Variants in RELL1 observed in about 807,000 individuals in gnomAD.
RELL1 encodes the protein RELT like 1.
RELL1 carries 10 observed loss-of-function variants against 23.0 expected under a neutral mutation model. The ratio of observed to expected loss-of-function variants is 0.43; its 90% CI spans 0.27 to 0.74. The LOEUF (loss-of-function observed/expected upper bound fraction) is 0.74. Ranked by LOEUF, RELL1 falls within the 30% of genes least tolerant of loss-of-function variation. The pLI, the probability that RELL1 is intolerant of heterozygous loss-of-function variation, is 0.19. For synonymous variants in RELL1, 146 were observed against 146.8 expected (o/e 0.99, Z 0.04); for missense variants, 315 against 364.4 (o/e 0.86, Z 1.10).
intron 6 of RELL1, among the ~76,000 whole-genome samples, chr4:37,601,728 C>T (rs1175040660): frequency 1.3e-5 from 2 of 152,254 alleles, no homozygotes; most frequent in Admixed American, 6.5e-5. Context: ...GCTTCACTTT[C>T]CATGTGGCTC....
intron 1 of RELL1, among the ~76,000 whole-genome samples, chr4:37,669,639 T>A (rs2109307274): frequency 6.6e-6 from 1 of 152,302 alleles, no homozygotes; most frequent in Middle Eastern, 3.4e-3. Context: ...TTGCCGTGTC[T>A]GTGTAGAAAG....
intron 1 of RELL1, among the ~76,000 whole-genome samples, chr4:37,673,654 C>G (rs1721920193): frequency 6.6e-6 from 1 of 152,226 alleles, no homozygotes; most frequent in South Asian, 2.1e-4. Flanking sequence ...TGTTTGATGG[C>G]TCACCCTCTG....
Position 37,661,178 on chromosome 4 carries a change from C to T in RELL1, c.89-11678G>A, listed in dbSNP as rs548905026. ...TGTACTAGTCCACCTAGTAGCCTCT[C>T]AGTCCTACTTTGGTAGAGCTAGGAC... On this transcript the variant is annotated intron_variant, in intron 1 of 6. Transcript: ENST00000454158. Among the ~76,000 whole-genome samples, 4 of 152,298 alleles carry T rather than the reference C, an allele frequency of 2.6e-5. No homozygotes were observed. The South Asian group carries it at 8.3e-4, about 32-fold the overall frequency.
intron 1 of RELL1, among the ~76,000 whole-genome samples, chr4:37,681,524 T>G (rs947788407): frequency 0.015 from 2,017 of 133,714 alleles, 58 homozygotes; most frequent in Middle Eastern, 0.047. Context: ...TTCTGTTTTT[T>G]TTTTTTTTTT....
chr4:37,657,664 T>G (rs1721173054), intron 1 of RELL1, among the ~76,000 whole-genome samples: 1 of 152,138 alleles, frequency 6.6e-6, no homozygotes, highest in Admixed American at 6.5e-5. Flanking sequence ...AGGCCTGGTG[T>G]GGTGGCTTAC....
Position 37,611,612 on chromosome 4 carries a change from C to T in RELL1, c.*1734G>A, listed in dbSNP as rs561710672. Among the ~76,000 whole-genome samples, 3 of 152,062 alleles carry T rather than the reference C, an allele frequency of 2.0e-5. No homozygotes were observed. The highest frequency in any genetic ancestry group is 2.1e-4 in the South Asian group (1 of 4,818). ...GCACCCCCCAACACTGACATGGAGG[C>T]GGGTCTTGGAGACCTTGTAACTGGC... is the stretch of plus-strand genomic sequence containing the variant. On this transcript the variant is annotated 3_prime_UTR_variant, in exon 7 of 7. Coordinates refer to ENST00000454158, the MANE Select transcript of RELL1 (RefSeq NM_001085400.2).
intron 2 of RELL1, among the ~76,000 whole-genome samples, chr4:37,648,735 A>G (rs1720793387): frequency 6.6e-6 from 1 of 152,198 alleles, no homozygotes; most frequent in African/African-American, 2.4e-5. Flanking sequence ...CATAAATTCC[A>G]ATCACAAATA....
intron 6 of RELL1, among the ~76,000 whole-genome samples, chr4:37,630,499 G>C (rs1720092755): frequency 6.6e-6 from 1 of 151,454 alleles, no homozygotes; most frequent in African/African-American, 2.4e-5. Context: ...TGAGTAGCTG[G>C]GACTACAGGT....
intron 1 of RELL1, among the ~76,000 whole-genome samples, chr4:37,652,448 C>T (rs764263069): frequency 6.6e-6 from 1 of 152,118 alleles, no homozygotes; most frequent in Non-Finnish European, 1.5e-5. Context: ...TTATTTAATC[C>T]CTTTTATGGT....
chr4:37,596,896 G>A (rs563419387), intron 6 of RELL1, among the ~76,000 whole-genome samples: 8 of 150,798 alleles, frequency 5.3e-5, no homozygotes, highest in African/African-American at 7.3e-5. Context: ...TTACAGGCAC[G>A]CGCCACCACG....
chr4:37,604,852 G>GACACACACACAGACACACACACACAGAC (rs1719129837), intron 6 of RELL1, among the ~76,000 whole-genome samples: 1 of 26,988 alleles, frequency 3.7e-5, no homozygotes, highest in African/African-American at 1.3e-4. Flanking sequence ...CACACACACA[G>GACACACACACAGACACACACACACAGAC]ACACACACAC....
intron 5 of RELL1, 99 bp downstream of exon 5, chr4:37,634,788 G>A: frequency 9.7e-7 from 1 of 1,027,612 alleles, no homozygotes; most frequent in Non-Finnish European, 1.5e-6. Context: ...ACCTGAGACA[G>A]GCACAGAGAA....
At chr4:37,665,559 T>G (rs1402251818) in intron 1 of RELL1, among the ~76,000 whole-genome samples, 1 of 152,152 alleles carries the variant, frequency 6.6e-6, no homozygotes, top group East Asian at 1.9e-4. Flanking sequence ...TCCACGTGGC[T>G]GCGAGTCCTA....
intron 1 of RELL1, among the ~76,000 whole-genome samples, chr4:37,674,898 T>A (rs1273502737): frequency 6.6e-6 from 1 of 152,242 alleles, no homozygotes; most frequent in Non-Finnish European, 1.5e-5. Flanking sequence ...GTCTTGTGAA[T>A]GTGCTATGTA....
chr4:37,589,662 C>T (rs1027842157), downstream of RELL1, among the ~76,000 whole-genome samples: 5 of 152,288 alleles, frequency 3.3e-5, no homozygotes, highest in Middle Eastern at 6.8e-3. Flanking sequence ...AAGACTGTCT[C>T]GCTCTGTCAT....
downstream of RELL1, chr4:37,590,193 C>A: frequency 1.9e-6 from 3 of 1,614,200 alleles, no homozygotes; most frequent in Non-Finnish European, 1.7e-6. Flanking sequence ...GCAAATGGAG[C>A]AGTGAAGTCT....
At position 37,610,887 on chromosome 4, in the gene RELL1, G is replaced by C. The variant is rs1359951174; in HGVS notation, c.*2459C>G. On this transcript the variant is annotated 3_prime_UTR_variant, in exon 7 of 7. Transcript: ENST00000454158. The surrounding 1 kb of genome is among the most constrained non-coding windows in gnomAD (Gnocchi z 4.1). ...AGTAACACAAGACCTGTAAACATCA[G>C]TTGCTTTGGGAACACAGGAATTCTC... Among the ~76,000 whole-genome samples, 1 of 152,198 alleles carries C rather than the reference G, an allele frequency of 6.6e-6. No homozygotes were observed. Among genetic ancestry groups the C allele is most frequent in the Non-Finnish European group, 1.5e-5 (1 of 68,030 alleles).
intron 6 of RELL1, among the ~76,000 whole-genome samples, chr4:37,605,219 A>G (rs1278625310): frequency 2.0e-5 from 3 of 152,168 alleles, no homozygotes; most frequent in African/African-American, 7.2e-5. Context: ...CAAAAAATAC[A>G]TAAAGATGTG....
At chr4:37,635,418 G>C (rs1363008715) in intron 4 of RELL1, among the ~76,000 whole-genome samples, 1 of 152,038 alleles carries the variant, frequency 6.6e-6, no homozygotes, top group Non-Finnish European at 1.5e-5. Context: ...TTGTGGCCAG[G>C]AGTTTGAGAC....
Sources: gnomAD v4.1 joint callset for allele counts (sites outside exome capture counted in the v4.1 genomes callset) on GRCh38, gnomAD v4.1.1 for gene constraint, Gnocchi (gnomAD v3.1) non-coding constraint, MANE v1.5 for transcripts, NCBI Gene and HGNC (gene_info 2026-07-23, HGNC 2026-07-21) for gene names.